CHIC2: variants seen among roughly 807,000 people sequenced by gnomAD.
CHIC2 encodes the protein cysteine rich hydrophobic domain 2.
CHIC2 carries 14 observed loss-of-function variants against 25.9 expected under a neutral mutation model. The observed-to-expected ratio is 0.54, with a 90% CI of 0.36 to 0.85. The LOEUF is 0.85. Ranked by LOEUF, CHIC2 falls within the 40% of genes least tolerant of loss-of-function variation. The pLI, the probability that CHIC2 is intolerant of heterozygous loss-of-function variation, is 0.01. For synonymous variants in CHIC2, 70 were observed against 72.0 expected (o/e 0.97, Z 0.14); for missense variants, 146 against 202.0 (o/e 0.72, Z 1.68).
At chr4:54,044,478 T>C (rs1026368507) in intron 3 of CHIC2, among the ~76,000 whole-genome samples, 1 of 152,074 alleles carries the variant, frequency 6.6e-6, no homozygotes, top group African/African-American at 2.4e-5. Flanking sequence ...AAACTAGAAC[T>C]CAGGATTAAG....
chr4:54,019,196 T>C (rs909238891), intron 3 of CHIC2, among the ~76,000 whole-genome samples: 5 of 151,958 alleles, frequency 3.3e-5, no homozygotes, highest in Admixed American at 6.6e-5. Context: ...AATTAAATAA[T>C]TATATCACAG....
the CHIC2 span, among the ~76,000 whole-genome samples, chr4:54,074,083 G>A: frequency 9.2e-5 from 14 of 152,018 alleles, no homozygotes; most frequent in Admixed American, 1.3e-4. Context: ...GCTTGAACCC[G>A]GGAGGCGGAG....
At chr4:54,012,766 A>G (rs1031656512) in intron 5 of CHIC2, among the ~76,000 whole-genome samples, 1 of 152,146 alleles carries the variant, frequency 6.6e-6, no homozygotes, top group Non-Finnish European at 1.5e-5. Context: ...TTGATGTAGT[A>G]AAGATAAAAT....
intron 3 of CHIC2, among the ~76,000 whole-genome samples, chr4:54,045,458 A>G (rs918339794): frequency 6.6e-6 from 1 of 152,202 alleles, no homozygotes; most frequent in African/African-American, 2.4e-5. Flanking sequence ...ACCATGATCA[A>G]GTGGGCTTCA....
At chr4:54,054,928 A>G (rs1717126771) in intron 1 of CHIC2, among the ~76,000 whole-genome samples, 1 of 152,194 alleles carries the variant, frequency 6.6e-6, no homozygotes, top group Non-Finnish European at 1.5e-5. Flanking sequence ...TGAGATCACC[A>G]GACAAGTAAT....
At chr4:54,029,986 A>G (rs905476142) in intron 3 of CHIC2, among the ~76,000 whole-genome samples, 2 of 152,204 alleles carry the variant, frequency 1.3e-5, no homozygotes, top group African/African-American at 2.4e-5. Context: ...GTAAGTCACA[A>G]TTATTGGATA....
upstream of CHIC2, among the ~76,000 whole-genome samples, chr4:54,069,432 C>T (rs1020943640): frequency 3.9e-5 from 6 of 152,210 alleles, no homozygotes; most frequent in African/African-American, 1.4e-4. Flanking sequence ...CCCGCGGAGT[C>T]GGGGTGCTCT....
chr4:54,021,671 A>G (rs1036959099), intron 3 of CHIC2, among the ~76,000 whole-genome samples: 1 of 152,086 alleles, frequency 6.6e-6, no homozygotes, highest in East Asian at 1.9e-4. Context: ...ACCTCTCCCA[A>G]ATCAGTTAGC....
intron 1 of CHIC2, among the ~76,000 whole-genome samples, chr4:54,057,498 C>T (rs1717212694): frequency 6.6e-6 from 1 of 152,298 alleles, no homozygotes; most frequent in South Asian, 2.1e-4. Flanking sequence ...CTCATCCTTC[C>T]TAAATGTTAG....
intron 1 of CHIC2, 136 bp from the exon 2 acceptor site, chr4:54,049,441 A>T (rs1716936834): frequency 2.0e-6 from 1 of 503,938 alleles, no homozygotes; most frequent in East Asian, 3.3e-5. Flanking sequence ...TGGAAGTTTG[A>T]GATAAAATAA....
intron 1 of CHIC2, among the ~76,000 whole-genome samples, chr4:54,056,957 AT>A (rs1338612876): frequency 5.9e-5 from 9 of 152,304 alleles, no homozygotes; most frequent in Non-Finnish European, 1.2e-4. Context: ...GGCATGTGCT[AT>A]TCTCTTGGCA....
the CHIC2 span, among the ~76,000 whole-genome samples, chr4:54,089,022 G>T: frequency 6.6e-6 from 1 of 152,142 alleles, no homozygotes; most frequent in Non-Finnish European, 1.5e-5. Flanking sequence ...AGTTTCCAGG[G>T]CATCTTCCTG....
intron 3 of CHIC2, among the ~76,000 whole-genome samples, chr4:54,026,181 G>C (rs188408522): frequency 1.3e-5 from 2 of 152,250 alleles, no homozygotes; most frequent in African/African-American, 4.8e-5. Context: ...TCAATTTCCT[G>C]TTCTTTTCAT....
chr4:54,065,514 AAAG>A (rs1197231824), upstream of CHIC2, among the ~76,000 whole-genome samples: 4 of 152,162 alleles, frequency 2.6e-5, no homozygotes, highest in South Asian at 4.1e-4. Context: ...GAGAAGAATG[AAAG>A]AAGAATGGGA....
intron 1 of CHIC2, chr4:54,060,357 G>GT (rs1717293909): frequency 6.6e-6 from 1 of 152,172 alleles, no homozygotes; most frequent in Non-Finnish European, 1.5e-5. Flanking sequence ...TGTGGAGATG[G>GT]TAAGATTACA....
chr4:54,034,643 C>T (rs1484190306), intron 3 of CHIC2, among the ~76,000 whole-genome samples: 3 of 151,848 alleles, frequency 2.0e-5, no homozygotes, highest in Non-Finnish European at 4.4e-5. Context: ...CTGTTAGTTT[C>T]AAGAGTTTCT....
At chr4:54,037,607 G>C (rs751079481) in intron 3 of CHIC2, among the ~76,000 whole-genome samples, 38 of 152,042 alleles carry the variant, frequency 2.5e-4, no homozygotes, top group Non-Finnish European at 5.1e-4. Context: ...AATAAAGCTA[G>C]TAAAATATAA....
chr4:54,068,374 C>T (rs1209369467), upstream of CHIC2, among the ~76,000 whole-genome samples: 1 of 152,056 alleles, frequency 6.6e-6, no homozygotes, highest in Non-Finnish European at 1.5e-5. Context: ...AGCTGGTTTG[C>T]CCCTTCCACT....
Position 54,053,556 on chromosome 4 carries a change from CAAAAAAAAAA to C in CHIC2, c.120-4261_120-4252del, listed in dbSNP as rs59889546. ...GGCTGACAACAGTGAGACTCAGTCT[CAAAAAAAAAA>C]AAAAAAAAAAAAAATTCCTACCCTT... On this transcript the variant is annotated intron_variant, in intron 1 of 5. Coordinates refer to ENST00000263921, the MANE Select transcript of CHIC2 (RefSeq NM_012110.4). Among the ~76,000 whole-genome samples the C allele has an allele frequency of 8.5e-3, 630 of 73,998 alleles. 7 individuals carry two copies. Among genetic ancestry groups the C allele is most frequent in the Middle Eastern group, 0.014 (2 of 142 alleles). The allele number at this position is 73,998 out of a possible 152,430, so 48.5% of individuals were successfully genotyped here.
Sources: gnomAD v4.1 joint callset for allele counts (sites outside exome capture counted in the v4.1 genomes callset) on GRCh38, gnomAD v4.1.1 for gene constraint, MANE v1.5 for transcripts, NCBI Gene and HGNC (gene_info 2026-07-23, HGNC 2026-07-21) for gene names.